Variants in EEFSEC observed in about 807,000 individuals in gnomAD.
EEFSEC encodes the protein selenocysteine-specific elongation factor.
A neutral mutation model predicts 42.1 loss-of-function variants in EEFSEC; 43 were observed. The ratio of observed to expected loss-of-function variants is 1.02; its 90% confidence interval spans 0.80 to 1.32. EEFSEC has a LOEUF of 1.32. EEFSEC is among the 40% of genes most tolerant of loss of function. The pLI, the probability that EEFSEC is intolerant of heterozygous loss-of-function variation, is 0.00. For synonymous variants in EEFSEC, 354 were observed against 339.1 expected (o/e 1.04, Z -0.48); for missense variants, 745 against 803.6 (o/e 0.93, Z 0.88).
intron 1 of EEFSEC, among the ~76,000 whole-genome samples, chr3:128,200,099 T>A (rs1559865598): frequency 6.6e-6 from 1 of 152,248 alleles, no homozygotes; most frequent in South Asian, 2.1e-4. Context: ...ATCTCAGGGC[T>A]ACGTTTATCT....
intron 1 of EEFSEC, among the ~76,000 whole-genome samples, chr3:128,216,328 A>C (rs1052562132): frequency 6.6e-6 from 1 of 152,220 alleles, no homozygotes; most frequent in African/African-American, 2.4e-5. Flanking sequence ...GGGTGGTTTC[A>C]TGTCCACTAA....
the EEFSEC span, among the ~76,000 whole-genome samples, chr3:128,416,430 C>G: frequency 6.6e-6 from 1 of 152,362 alleles, no homozygotes; most frequent in East Asian, 1.9e-4. Context: ...CCCTCGCACA[C>G]CAGGCCCTGT....
chr3:128,412,360 G>T (rs2068179896), downstream of EEFSEC, among the ~76,000 whole-genome samples: 1 of 152,242 alleles, frequency 6.6e-6, no homozygotes, highest in Non-Finnish European at 1.5e-5. Flanking sequence ...CAGCCTCCAT[G>T]TGGGGGTTAG....
chr3:128,342,281 G>A (rs903003649), intron 5 of EEFSEC, among the ~76,000 whole-genome samples: 1 of 152,234 alleles, frequency 6.6e-6, no homozygotes, highest in Non-Finnish European at 1.5e-5. Flanking sequence ...CCACTCTCTT[G>A]ACCTTGGTGG....
intron 4 of EEFSEC, among the ~76,000 whole-genome samples, chr3:128,268,546 G>A (rs2066379609): frequency 6.6e-6 from 1 of 152,150 alleles, no homozygotes; most frequent in African/African-American, 2.4e-5. Flanking sequence ...TGGAATAAGG[G>A]TCTTGCAGAT....
intron 4 of EEFSEC, among the ~76,000 whole-genome samples, chr3:128,314,938 G>A (rs1358609433): frequency 6.6e-6 from 1 of 152,206 alleles, no homozygotes; most frequent in Admixed American, 6.5e-5. Flanking sequence ...AGAAGGCAGG[G>A]ATGGGGGTCG....
Position 128,367,868 on chromosome 3 carries a change from T to C in EEFSEC, c.1600+9495T>C, listed in dbSNP as rs904221353. On this transcript the variant is annotated intron_variant, in intron 6 of 6. Coordinates refer to ENST00000254730, the MANE Select transcript of EEFSEC (RefSeq NM_021937.5). ...CAAGCAGTTCTGCACTGGTGACGCGTGCTGACTCCAGCTCAGGCTAGGGCT... is the reference window on the plus strand; with the variant it reads ...CAAGCAGTTCTGCACTGGTGACGCGCGCTGACTCCAGCTCAGGCTAGGGCT... The C allele has an allele frequency of 6.1e-6, 6 of 982,950 alleles. No homozygotes were observed. The African/African-American group carries it at 7.0e-5, about 11-fold the overall frequency. The allele number at this position is 982,950 out of a possible 1,614,324, so 60.9% of individuals were successfully genotyped here. A position where few individuals can be genotyped will look rare whatever the true frequency, so the allele number is the denominator to read the frequency against.
chr3:128,356,110 G>A (rs1279350492), intron 5 of EEFSEC, among the ~76,000 whole-genome samples: 1 of 152,222 alleles, frequency 6.6e-6, no homozygotes, highest in Non-Finnish European at 1.5e-5. Flanking sequence ...ACATGTGATT[G>A]TTCACAGCTA....
At chr3:128,190,651 G>A (rs1200229981) in intron 1 of EEFSEC, among the ~76,000 whole-genome samples, 3 of 152,138 alleles carry the variant, frequency 2.0e-5, no homozygotes, top group African/African-American at 7.2e-5. Flanking sequence ...TCCATTGTTT[G>A]TAGAGCCTAC....
At chr3:128,220,448 G>A (rs905206898) in intron 1 of EEFSEC, among the ~76,000 whole-genome samples, 1 of 152,146 alleles carries the variant, frequency 6.6e-6, no homozygotes, top group Admixed American at 6.5e-5. Context: ...AAATGATGGG[G>A]CTTCACAGAG....
At position 128,341,888 on chromosome 3, in the gene EEFSEC, G is replaced by A. The variant is rs747502656; in HGVS notation, c.1442G>A (p.Arg481Gln). The change falls in exon 5 of 7, where the codon CGG (arginine) becomes CAG (glutamine). Residue 481 changes from arginine to glutamine, a missense_variant and splice_region_variant. Coordinates refer to ENST00000254730, the MANE Select transcript of EEFSEC (RefSeq NM_021937.5). ...KLKHKHGLVE[R>Q]AMDDYSVIGR... ...AAGCACAAGCATGGCCTTGTGGAGC[G>A]GGTGAGCATGCCCTTGCCTGGCCCC... 2.4e-5 allele frequency: 39 copies of A among 1,611,222 alleles called. No individual in the cohort carries two copies. The highest frequency in any genetic ancestry group is 6.7e-5 in the Admixed American group (4 of 59,948).
chr3:128,271,963 C>A (rs2066417867), intron 4 of EEFSEC, among the ~76,000 whole-genome samples: 1 of 152,130 alleles, frequency 6.6e-6, no homozygotes, highest in African/African-American at 2.4e-5. Flanking sequence ...CTCATAAGAC[C>A]TCCCACTGCT....
At chr3:128,173,782 C>T (rs377187884) in intron 1 of EEFSEC, among the ~76,000 whole-genome samples, 1 of 152,112 alleles carries the variant, frequency 6.6e-6, no homozygotes, top group Admixed American at 6.5e-5. Context: ...TTCACTTTTG[C>T]GTTTGGAGGT....
chr3:128,350,369 G>T (rs1353370872), intron 5 of EEFSEC, among the ~76,000 whole-genome samples: 3 of 152,238 alleles, frequency 2.0e-5, no homozygotes, highest in Non-Finnish European at 4.4e-5. Flanking sequence ...AGGAAGCCAT[G>T]CTGTGGTCTA....
chr3:128,226,528 T>C (rs957030519), intron 1 of EEFSEC, among the ~76,000 whole-genome samples: 20 of 152,184 alleles, frequency 1.3e-4, no homozygotes, highest in Admixed American at 7.9e-4. Flanking sequence ...CAGCTGGGGC[T>C]TCCGTAGCCC....
At chr3:128,205,290 A>G (rs1418725084) in intron 1 of EEFSEC, among the ~76,000 whole-genome samples, 1 of 152,158 alleles carries the variant, frequency 6.6e-6, no homozygotes, top group Non-Finnish European at 1.5e-5. Flanking sequence ...TGTATCTGGG[A>G]AGACCCCTGC....
At chr3:128,169,949 C>T (rs2065278422) in intron 1 of EEFSEC, among the ~76,000 whole-genome samples, 1 of 152,220 alleles carries the variant, frequency 6.6e-6, no homozygotes, top group Non-Finnish European at 1.5e-5. Flanking sequence ...GAAGGCAATG[C>T]ATGGCGGTGG....
chr3:128,326,175 G>A (rs1216842378), intron 4 of EEFSEC, among the ~76,000 whole-genome samples: 2 of 152,254 alleles, frequency 1.3e-5, no homozygotes, highest in Non-Finnish European at 2.9e-5. Context: ...AGGCACCTCA[G>A]AGTTAGGGCT....
At chr3:128,203,115 A>G (rs1034629268) in intron 1 of EEFSEC, among the ~76,000 whole-genome samples, 12 of 152,222 alleles carry the variant, frequency 7.9e-5, no homozygotes, top group African/African-American at 2.9e-4. Context: ...ATCAGTTGGT[A>G]GAATACAGAT....
Sources: gnomAD v4.1 joint callset for allele counts (sites outside exome capture counted in the v4.1 genomes callset) on GRCh38, gnomAD v4.1.1 for gene constraint, MANE v1.5 for transcripts, NCBI Gene and HGNC (gene_info 2026-07-23, HGNC 2026-07-21) for gene names.